The following CAST variants were observed in gnomAD, a reference collection of about 807,000 sequenced individuals.
CAST encodes the protein MIR583 host.
Under a neutral mutation model 119.6 loss-of-function variants are expected in CAST, and 76 were observed. The observed-to-expected ratio is 0.64, with a 90% CI of 0.53 to 0.77. The LOEUF is 0.77. Ranked by LOEUF, CAST falls within the 30% of genes least tolerant of loss-of-function variation. CAST has a pLI of 0.00. For missense variants in CAST, 953 were observed against 946.5 expected, an observed-to-expected ratio of 1.01 and a Z score of -0.09; for synonymous variants, 319 against 331.6, an observed-to-expected ratio of 0.96 and a Z score of 0.41.
At chr5:96,170,516 G>A in the CAST span, among the ~76,000 whole-genome samples, 1 of 152,210 alleles carries the variant, frequency 6.6e-6, no homozygotes, top group African/African-American at 2.4e-5. Context: ...CCTTGAAAGC[G>A]AGGTTAATTA....
At chr5:96,091,662 C>T in the CAST span, among the ~76,000 whole-genome samples, 2,135 of 152,000 alleles carry the variant, frequency 0.014, 37 homozygotes, top group African/African-American at 0.048. Context: ...TGCACCATCA[C>T]GCCCAGCTAA....
chr5:96,343,162 T>C, the CAST span, among the ~76,000 whole-genome samples: 1 of 152,148 alleles, frequency 6.6e-6, no homozygotes, highest in Non-Finnish European at 1.5e-5. Flanking sequence ...TGAAAATCTT[T>C]AACCTCACTA....
the CAST span, among the ~76,000 whole-genome samples, chr5:96,315,716 T>C: frequency 2.6e-5 from 4 of 152,232 alleles, no homozygotes; most frequent in Non-Finnish European, 5.9e-5. Context: ...AATGGAATAA[T>C]AGCAGAAGTG....
chr5:96,412,551 G>A, the CAST span: 441 of 1,394,782 alleles, frequency 3.2e-4, no homozygotes, highest in East Asian at 7.0e-3. Context: ...ATGGACAAAA[G>A]CCCAATACTC....
chr5:96,423,363 C>G, the CAST span: 1 of 1,613,530 alleles, frequency 6.2e-7, no homozygotes. Context: ...TCATCCAGTA[C>G]GGTGATAACA....
chr5:96,632,703 A>G (rs7732490), intron 1 of CAST, among the ~76,000 whole-genome samples: 30,662 of 152,174 alleles, frequency 0.2, 3,552 homozygotes, highest in East Asian at 0.42. Context: ...CTTCCTTCTC[A>G]TTAAATTCTT....
intron 4 of CAST, among the ~76,000 whole-genome samples, chr5:96,723,112 G>GT (rs1220263624): frequency 6.6e-6 from 1 of 151,320 alleles, no homozygotes; most frequent in Non-Finnish European, 1.5e-5. Flanking sequence ...CCGGCTAATT[G>GT]TTTTTTTGTT....
At chr5:96,080,188 T>C in the CAST span, among the ~76,000 whole-genome samples, 1 of 152,182 alleles carries the variant, frequency 6.6e-6, no homozygotes, top group Non-Finnish European at 1.5e-5. Flanking sequence ...TAAATAATAG[T>C]ATATACCTTG....
At chr5:96,194,671 G>A in the CAST span, among the ~76,000 whole-genome samples, 1 of 152,204 alleles carries the variant, frequency 6.6e-6, no homozygotes, top group Non-Finnish European at 1.5e-5. Context: ...AGGGACTGGA[G>A]CAGGACATGA....
the CAST span, among the ~76,000 whole-genome samples, chr5:96,149,350 T>A: frequency 2.0e-5 from 3 of 152,254 alleles, no homozygotes; most frequent in Non-Finnish European, 4.4e-5. Flanking sequence ...GGGAGGATAT[T>A]TGCTAGGCTA....
At chr5:96,243,388 AT>A in the CAST span, among the ~76,000 whole-genome samples, 2 of 151,874 alleles carry the variant, frequency 1.3e-5, no homozygotes, top group African/African-American at 4.8e-5. Flanking sequence ...TGGAAGAAGA[AT>A]TTTCTTCCTC....
the CAST span, among the ~76,000 whole-genome samples, chr5:96,490,087 C>A: frequency 6.6e-6 from 1 of 152,230 alleles, no homozygotes; most frequent in Admixed American, 6.5e-5. Flanking sequence ...ACAAAGCCAA[C>A]CACTGGCAAG....
chr5:96,771,771 AGAAGT>A, intron 31 of CAST, 69 bp downstream of exon 31: 1 of 939,678 alleles, frequency 1.1e-6, no homozygotes, highest in East Asian at 2.4e-5. Context: ...TATAGATGAG[AGAAGT>A]GAAGTCCACC....
chr5:96,144,925 G>A, the CAST span, among the ~76,000 whole-genome samples: 1 of 152,130 alleles, frequency 6.6e-6, no homozygotes, highest in Non-Finnish European at 1.5e-5. Context: ...GGGTTCTGGA[G>A]ATAGAGAGAT....
the CAST span, among the ~76,000 whole-genome samples, chr5:96,041,557 A>T: frequency 6.6e-6 from 1 of 152,158 alleles, no homozygotes; most frequent in Non-Finnish European, 1.5e-5. Context: ...ACTACTGTGG[A>T]CCTTAGTTAT....
chr5:96,544,855 C>T (rs568614470), intron 1 of CAST, among the ~76,000 whole-genome samples: 1 of 151,138 alleles, frequency 6.6e-6, no homozygotes, highest in African/African-American at 2.4e-5. Flanking sequence ...CTATATTTCC[C>T]ACAAGAAACT....
At chr5:96,329,013 T>C in the CAST span, among the ~76,000 whole-genome samples, 296 of 152,358 alleles carry the variant, frequency 1.9e-3, 2 homozygotes, top group Admixed American at 2.4e-3. Context: ...CCAACCCATA[T>C]GGCAAGAATC....
At chr5:96,684,789 C>T (rs1048839168) in intron 2 of CAST, among the ~76,000 whole-genome samples, 6 of 152,054 alleles carry the variant, frequency 3.9e-5, no homozygotes, top group Non-Finnish European at 5.9e-5. Context: ...AGGCTAGTCT[C>T]GAACTCCTGA....
chr5:96,659,649 C>T (rs573275534), upstream of CAST, among the ~76,000 whole-genome samples: 7 of 152,260 alleles, frequency 4.6e-5, no homozygotes, highest in East Asian at 3.9e-4. Flanking sequence ...GTGCCTCGGC[C>T]TCCTGAGTAG....
Sources: gnomAD v4.1 joint callset for allele counts (sites outside exome capture counted in the v4.1 genomes callset) on GRCh38, gnomAD v4.1.1 for gene constraint, MANE v1.5 for transcripts, NCBI Gene and HGNC (gene_info 2026-07-23, HGNC 2026-07-21) for gene names.